Variants in ADGRG7 observed in about 807,000 individuals in gnomAD.
ADGRG7 encodes the protein adhesion G protein-coupled receptor G7.
Under a neutral mutation model 88.6 loss-of-function variants are expected in ADGRG7, and 82 were observed. The ratio of observed to expected loss-of-function variants is 0.93; its 90% CI spans 0.77 to 1.11. The LOEUF is 1.11. Ranked by LOEUF, ADGRG7 falls within the 50% of genes most tolerant of loss-of-function variation. ADGRG7 has a pLI of 0.00. For synonymous variants in ADGRG7, 381 were observed against 345.2 expected, an observed-to-expected ratio of 1.10 and a Z score of -1.15; for missense variants, 945 against 953.4, an observed-to-expected ratio of 0.99 and a Z score of 0.12.
chr3:100,686,729 G>C (rs1009504416), intron 15 of ADGRG7, among the ~76,000 whole-genome samples: 31 of 152,090 alleles, frequency 2.0e-4, no homozygotes, highest in African/African-American at 6.0e-4. Flanking sequence ...TGTTCCAATG[G>C]TCTATATCTC....
rs116895082 is a variant in ADGRG7, at chr3:100,614,969, T to C, written c.115+4998T>C. On this transcript the variant is annotated intron_variant, in intron 1 of 15. Coordinates refer to ENST00000273352, the MANE Select transcript of ADGRG7 (RefSeq NM_032787.3). ...TACAATTTAAAAGAATATAGGAAAA[T>C]TATTATTATCATACTGATGTTATAA... Among the ~76,000 whole-genome samples, 430 of 152,266 alleles carry C rather than the reference T, an allele frequency of 2.8e-3. 9 individuals are homozygous for C. In the East Asian group the frequency reaches 0.058, roughly 20 times the overall value.
chr3:100,616,335 C>T (rs1676348), intron 1 of ADGRG7, among the ~76,000 whole-genome samples: 141,612 of 151,990 alleles, frequency 0.93, 66,838 homozygotes, highest in East Asian at 1. Flanking sequence ...ACAAAACCAT[C>T]TGAAAGAGAA....
intron 15 of ADGRG7, among the ~76,000 whole-genome samples, chr3:100,670,755 C>T (rs988989707): frequency 2.0e-5 from 3 of 152,118 alleles, no homozygotes; most frequent in Admixed American, 6.6e-5. Flanking sequence ...TGTTCCCCTC[C>T]CTGTGTCCAC....
chr3:100,649,436 C>A (rs956700048), intron 10 of ADGRG7, among the ~76,000 whole-genome samples: 1 of 152,154 alleles, frequency 6.6e-6, no homozygotes, highest in African/African-American at 2.4e-5. Flanking sequence ...AGTCCCCCTG[C>A]AAATACCAAG....
intron 15 of ADGRG7, among the ~76,000 whole-genome samples, chr3:100,672,566 G>T (rs1230425274): frequency 2.6e-5 from 4 of 152,078 alleles, no homozygotes; most frequent in Non-Finnish European, 5.9e-5. Context: ...TTGCCTGATT[G>T]CCCTGGTCAG....
chr3:100,633,744 A>C (rs1483624153), intron 4 of ADGRG7, among the ~76,000 whole-genome samples: 3 of 151,946 alleles, frequency 2.0e-5, no homozygotes, highest in Non-Finnish European at 4.4e-5. Flanking sequence ...CTGGTCTCGA[A>C]CTCCTGACCA....
intron 11 of ADGRG7, among the ~76,000 whole-genome samples, chr3:100,651,093 C>T (rs1038903897): frequency 6.6e-6 from 1 of 152,160 alleles, no homozygotes; most frequent in Non-Finnish European, 1.5e-5. Context: ...CCTTTTCTTC[C>T]CCTTTTCACA....
chr3:100,631,400 A>G (rs1144126), intron 3 of ADGRG7, among the ~76,000 whole-genome samples: 36,101 of 152,062 alleles, frequency 0.24, 5,425 homozygotes, highest in Non-Finnish European at 0.34. Context: ...GATTTTGGTG[A>G]TTCATTTCAG....
rs140519556 is a variant in ADGRG7, at chr3:100,674,913, T to C, written c.2136+5808T>C. On this transcript the variant is annotated intron_variant, in intron 15 of 15. Transcript: ENST00000273352. ...TTTCAGGTTGTTTGATGTTGGCATA[T>C]AGAAATGCTACTAACTTATGTATGT... 6.7e-3 allele frequency among the ~76,000 whole-genome samples: 1,022 copies of C among 152,308 alleles called. 17 individuals are homozygous for C. The highest frequency in any genetic ancestry group is 0.023 in the African/African-American group (972 of 41,574).
At chr3:100,686,067 G>C (rs9713373) in intron 15 of ADGRG7, among the ~76,000 whole-genome samples, 44,998 of 147,268 alleles carry the variant, frequency 0.31, 6,713 homozygotes, top group East Asian at 0.51. Context: ...GATCGCCATT[G>C]TAACTGGTGT....
chr3:100,642,662 G>A (rs1481359638), intron 6 of ADGRG7, among the ~76,000 whole-genome samples: 2 of 152,168 alleles, frequency 1.3e-5, no homozygotes, highest in Non-Finnish European at 2.9e-5. Context: ...TTGACAGGTT[G>A]CCCCCACTCC....
At chr3:100,624,752 G>A (rs1322650817) in intron 1 of ADGRG7, among the ~76,000 whole-genome samples, 21 of 151,996 alleles carry the variant, frequency 1.4e-4, no homozygotes, top group Admixed American at 1.4e-3. Context: ...TTTTCTGCAT[G>A]TGGCTAGCCA....
chr3:100,657,648 T>A (rs1201292361), intron 13 of ADGRG7, among the ~76,000 whole-genome samples: 2 of 152,168 alleles, frequency 1.3e-5, no homozygotes, highest in Non-Finnish European at 2.9e-5. Flanking sequence ...AACCAAGGAG[T>A]TAAACACTTC....
intron 6 of ADGRG7, 98 bp downstream of exon 6, chr3:100,637,500 T>G (rs1707565540): frequency 1.3e-6 from 1 of 789,856 alleles, no homozygotes; most frequent in Non-Finnish European, 2.1e-6. Context: ...CTCTCATGGA[T>G]GCAGTAACTG....
chr3:100,674,950 C>A (rs1206118325), intron 15 of ADGRG7, among the ~76,000 whole-genome samples: 2 of 152,032 alleles, frequency 1.3e-5, no homozygotes, highest in East Asian at 3.8e-4. Flanking sequence ...AATTTTGTAT[C>A]CTGCAACTTT....
In ADGRG7 at chr3:100,611,303, T is replaced by TTTCCTTC. The variant is rs1559666905; in HGVS notation, c.115+1332_115+1333insTTCCTTC. ...TCCTTCCTTCCTTCCTTCCTTCCTTTCTTCTTTCCTTCCTTCCTTCCTTCC... is the reference window on the plus strand; with the variant it reads ...TCCTTCCTTCCTTCCTTCCTTCCTTTTTCCTTCCTTCTTTCCTTCCTTCCTTCCTTCC... On this transcript the variant is annotated intron_variant, in intron 1 of 15. Coordinates refer to ENST00000273352, the MANE Select transcript of ADGRG7 (RefSeq NM_032787.3). Among the ~76,000 whole-genome samples the TTTCCTTC allele has an allele frequency of 2.1e-3, 265 of 124,392 alleles. 2 individuals are homozygous for TTTCCTTC. The highest frequency in any genetic ancestry group is 3.1e-3 in the Non-Finnish European group (195 of 63,218). 81.6% of individuals were successfully genotyped at this position (124,392 alleles called of 152,430 possible).
intron 14 of ADGRG7, among the ~76,000 whole-genome samples, chr3:100,660,834 C>A (rs1175668781): frequency 6.6e-6 from 1 of 151,906 alleles, no homozygotes; most frequent in African/African-American, 2.4e-5. Flanking sequence ...TGCCTGTAAT[C>A]CCAACTACTT....
chr3:100,654,768 C>T (rs1166844470), intron 11 of ADGRG7, 67 bp from the exon 12 acceptor site: 1 of 958,384 alleles, frequency 1.0e-6, no homozygotes, highest in Admixed American at 2.8e-5. Flanking sequence ...AGAAATTTCA[C>T]TGCAGTTTGT....
chr3:100,650,955 T>C (rs2094928534), intron 11 of ADGRG7, among the ~76,000 whole-genome samples: 1 of 152,198 alleles, frequency 6.6e-6, no homozygotes, highest in Non-Finnish European at 1.5e-5. Context: ...CCCCTTCATG[T>C]TGTTTTGCCA....
Sources: allele counts gnomAD v4.1 joint callset (sites outside exome capture counted in the v4.1 genomes callset), GRCh38; gene constraint gnomAD v4.1.1; transcripts MANE v1.5; gene names NCBI Gene and HGNC (gene_info 2026-07-23, HGNC 2026-07-21).